NAV1: variants seen among roughly 807,000 people sequenced by gnomAD.
NAV1 encodes the protein pore membrane and/or filament interacting like protein 3.
In NAV1, 18 loss-of-function variants were observed where a neutral mutation model predicts 175.2. That is an observed-to-expected ratio of 0.10 (90% CI 0.07 to 0.15). The LOEUF (loss-of-function observed/expected upper bound fraction) is 0.15. Ranked by LOEUF, NAV1 falls within the 10% of genes least tolerant of loss-of-function variation. The pLI is 1.00. For missense variants in NAV1, 1,731 were observed against 2,436.6 expected (o/e 0.71, Z 6.10); for synonymous variants, 897 against 978.7 (o/e 0.92, Z 1.56).
chr1:201,556,471 T>C (rs1666016869), intron 1 of NAV1, among the ~76,000 whole-genome samples: 1 of 149,422 alleles, frequency 6.7e-6, no homozygotes, highest in African/African-American at 2.5e-5. Context: ...TACACCCCAG[T>C]TGTAATAGCT....
chr1:201,639,738 C>A (rs1219071255), intron 2 of NAV1, among the ~76,000 whole-genome samples: 1 of 152,198 alleles, frequency 6.6e-6, no homozygotes, highest in Admixed American at 6.5e-5. Context: ...GACGACAAAG[C>A]CCCGAGAACC....
chr1:201,706,593 G>T (rs924393199), intron 1 of NAV1, among the ~76,000 whole-genome samples: 1 of 152,146 alleles, frequency 6.6e-6, no homozygotes, highest in African/African-American at 2.4e-5. Context: ...TACAAAATGA[G>T]ATCCTTTCAA....
chr1:201,736,541 A>G (rs1224747542), intron 3 of NAV1, among the ~76,000 whole-genome samples: 1 of 151,932 alleles, frequency 6.6e-6, no homozygotes, highest in Admixed American at 6.6e-5. Flanking sequence ...AGCCAAGGTG[A>G]CTCCAGAGAT....
intron 2 of NAV1, among the ~76,000 whole-genome samples, chr1:201,603,219 CA>C (rs1394918000): frequency 6.6e-6 from 1 of 152,116 alleles, no homozygotes; most frequent in African/African-American, 2.4e-5. Flanking sequence ...TCATGGGTCC[CA>C]AAAGATTTTA....
intron 3 of NAV1, among the ~76,000 whole-genome samples, chr1:201,725,138 C>T (rs1373268179): frequency 6.6e-6 from 1 of 152,202 alleles, no homozygotes; most frequent in Non-Finnish European, 1.5e-5. Context: ...CCAACCCAGC[C>T]ACCCTCATCG....
intron 1 of NAV1, among the ~76,000 whole-genome samples, chr1:201,548,145 G>A (rs1361370744): frequency 6.6e-6 from 1 of 152,224 alleles, no homozygotes; most frequent in Non-Finnish European, 1.5e-5. Flanking sequence ...TTTGACAGAG[G>A]AGGAAAGTGA....
intron 2 of NAV1, among the ~76,000 whole-genome samples, chr1:201,601,825 TAA>T (rs1221794326): frequency 6.6e-6 from 1 of 152,190 alleles, no homozygotes; most frequent in Non-Finnish European, 1.5e-5. Flanking sequence ...GGCCAATATT[TAA>T]AAGAGTTGAA....
intron 2 of NAV1, among the ~76,000 whole-genome samples, chr1:201,612,089 T>C (rs1667864364): frequency 6.6e-6 from 1 of 152,136 alleles, no homozygotes; most frequent in Non-Finnish European, 1.5e-5. Flanking sequence ...TCAGAATGTG[T>C]GTGTGTGTGA....
chr1:201,754,177 AC>A (rs1259938967), intron 3 of NAV1, among the ~76,000 whole-genome samples: 7 of 152,128 alleles, frequency 4.6e-5, no homozygotes, highest in Non-Finnish European at 1.0e-4. Context: ...TCTGTGCCAG[AC>A]CCTTCCACCC....
At chr1:201,642,560 C>CTTTCTTTCTTT (rs1491393436) in intron 2 of NAV1, among the ~76,000 whole-genome samples, 6 of 32,888 alleles carry the variant, frequency 1.8e-4, no homozygotes, top group African/African-American at 8.7e-4. Flanking sequence ...TTTCTTTTTT[C>CTTTCTTTCTTT]CCTTTCTTCC....
intron 2 of NAV1, among the ~76,000 whole-genome samples, chr1:201,599,043 C>T (rs1667443146): frequency 6.6e-6 from 1 of 152,218 alleles, no homozygotes; most frequent in African/African-American, 2.4e-5. Flanking sequence ...GTTGGCCCCA[C>T]TTAGCATATG....
At chr1:201,781,518 C>T (rs939678992) in intron 5 of NAV1, among the ~76,000 whole-genome samples, 6 of 152,110 alleles carry the variant, frequency 3.9e-5, no homozygotes, top group African/African-American at 1.4e-4. Flanking sequence ...AATAGAAACT[C>T]AAAGAGATTA....
chr1:201,559,673 T>C (rs1265165954), intron 1 of NAV1, among the ~76,000 whole-genome samples: 1 of 151,932 alleles, frequency 6.6e-6, no homozygotes, highest in Non-Finnish European at 1.5e-5. Flanking sequence ...TTAGCAGCCC[T>C]TAAGAACAGT....
intron 1 of NAV1, among the ~76,000 whole-genome samples, chr1:201,565,179 A>G (rs1485417033): frequency 6.6e-6 from 1 of 152,216 alleles, no homozygotes; most frequent in African/African-American, 2.4e-5. Context: ...GGCAGGAATA[A>G]ACATATGTTT....
chr1:201,631,647 C>A (rs1006890483), intron 2 of NAV1, among the ~76,000 whole-genome samples: 1 of 152,256 alleles, frequency 6.6e-6, no homozygotes, highest in Non-Finnish European at 1.5e-5. Context: ...GCCAGTCAGT[C>A]CTGCCTCCCT....
intron 1 of NAV1, among the ~76,000 whole-genome samples, chr1:201,581,639 G>T (rs1338192398): frequency 6.6e-6 from 1 of 151,986 alleles, no homozygotes; most frequent in Non-Finnish European, 1.5e-5. Flanking sequence ...GACCAGCCTG[G>T]TCAACATGGC....
At chr1:201,540,676 TAAG>T (rs1218117092) in intron 1 of NAV1, among the ~76,000 whole-genome samples, 1 of 152,234 alleles carries the variant, frequency 6.6e-6, no homozygotes, top group South Asian at 2.1e-4. Flanking sequence ...GGGATTGACC[TAAG>T]AAGGGAGACA....
chr1:201,682,704 A>G (rs541201234), intron 1 of NAV1, among the ~76,000 whole-genome samples: 214 of 152,156 alleles, frequency 1.4e-3, no homozygotes, highest in African/African-American at 4.8e-3. Flanking sequence ...TATTTTCATT[A>G]CATGCAAGGT....
intron 2 of NAV1, 142 bp downstream of exon 6, chr1:201,713,061 G>A (rs973975952): frequency 1.6e-6 from 1 of 619,822 alleles, no homozygotes; most frequent in Admixed American, 2.8e-5. Context: ...GCAGAAGGAG[G>A]AGGAAATCCA....
Sources: gnomAD v4.1 joint callset for allele counts (sites outside exome capture counted in the v4.1 genomes callset) on GRCh38, gnomAD v4.1.1 for gene constraint, MANE v1.5 for transcripts, NCBI Gene and HGNC (gene_info 2026-07-23, HGNC 2026-07-21) for gene names.